Variants in SH2D4A observed in about 807,000 individuals in gnomAD.
SH2D4A encodes SH2 domain-containing protein 4A.
A neutral mutation model predicts 64.7 loss-of-function variants in SH2D4A; 70 were observed. The observed-to-expected ratio is 1.08, with a 90% CI of 0.89 to 1.32. The LOEUF (loss-of-function observed/expected upper bound fraction) is 1.32, where lower values mean the gene tolerates loss of function less well. Among genes scored for constraint, SH2D4A ranks in the 40% most tolerant of loss-of-function variants. The pLI, the probability that SH2D4A is intolerant of heterozygous loss-of-function variation, is 0.00. For missense variants in SH2D4A, 706 were observed against 540.1 expected (o/e 1.31, Z -3.04); for synonymous variants, 268 against 200.7 (o/e 1.34, Z -2.83).
chr8:19,363,723 C>G, intron 6 of SH2D4A: 1 of 332,088 alleles, frequency 3.0e-6, no homozygotes, highest in East Asian at 7.1e-5. Flanking sequence ...TACTCAGCAC[C>G]CCTGCCAGCT....
In SH2D4A at chr8:19,315,075, TAAA is replaced by T. The variant is rs34808842; in HGVS notation, c.-205+1258_-205+1260del. Reference sequence around the variant, plus strand: ...TGCAAAAGTAATTGCGGTTTTTACGTAAAAAAAACCGCAGTTACTTTTTTTTTG... The same window carrying T: ...TGCAAAAGTAATTGCGGTTTTTACGTAAAAACCGCAGTTACTTTTTTTTTG... On this transcript the variant is annotated intron_variant, in intron 1 of 9. Coordinates refer to ENST00000265807, the MANE Select transcript of SH2D4A (RefSeq NM_022071.4). 2.0e-5 allele frequency among the ~76,000 whole-genome samples: 3 copies of T among 151,862 alleles called. No homozygotes were observed. In the East Asian group the frequency reaches 5.8e-4, roughly 29 times the overall value.
At chr8:19,368,620 C>CTTTTTTTTTTTTTTTTTTTT (rs34764005) in intron 7 of SH2D4A, among the ~76,000 whole-genome samples, 2 of 136,322 alleles carry the variant, frequency 1.5e-5, no homozygotes, top group Non-Finnish European at 3.1e-5. Flanking sequence ...AATAAAATTG[C>CTTTTTTTTTTTTTTTTTTTT]TTTTTTTTTT....
chr8:19,315,478 G>T (rs1268238780), intron 1 of SH2D4A, among the ~76,000 whole-genome samples: 3 of 152,154 alleles, frequency 2.0e-5, no homozygotes, highest in African/African-American at 7.2e-5. Flanking sequence ...TTTTAAAATT[G>T]TATTTTGTTT....
At chr8:19,343,915 A>G (rs2052569943) in intron 4 of SH2D4A, among the ~76,000 whole-genome samples, 1 of 152,152 alleles carries the variant, frequency 6.6e-6, no homozygotes, top group Non-Finnish European at 1.5e-5. Flanking sequence ...GTGACAGAGA[A>G]AGGCAGAGAG....
At position 19,319,461 on chromosome 8, in the gene SH2D4A, C is replaced by T; in HGVS notation, c.-87C>T. The T allele has an allele frequency of 1.5e-6, 2 of 1,358,440 alleles. No individual in the cohort carries two copies. The highest frequency in any genetic ancestry group is 1.9e-6 in the Non-Finnish European group (2 of 1,050,414). 84.1% of individuals were successfully genotyped at this position (1,358,440 alleles called of 1,614,324 possible). On this transcript the variant is annotated 5_prime_UTR_variant, in exon 2 of 10. Coordinates refer to ENST00000265807, the MANE Select transcript of SH2D4A (RefSeq NM_022071.4). ...CTGTTTGGGAAGTTTCGTGGAAACG[C>T]CCAAGTGCCAGCACAGGTGGAGGGA...
intron 5 of SH2D4A, 88 bp downstream of exon 5, chr8:19,357,371 G>T (rs2153647658): frequency 2.1e-6 from 2 of 969,092 alleles, no homozygotes; most frequent in South Asian, 1.4e-5. Flanking sequence ...ATCTCATGCA[G>T]AAATGAAATT....
At chr8:19,317,921 A>T (rs1400476278) in intron 1 of SH2D4A, among the ~76,000 whole-genome samples, 4 of 151,378 alleles carry the variant, frequency 2.6e-5, no homozygotes, top group Non-Finnish European at 4.4e-5. Context: ...TTTATTTTTG[A>T]GACAGAGTCT....
At chr8:19,320,474 A>G (rs1350577471) in intron 2 of SH2D4A, among the ~76,000 whole-genome samples, 2 of 152,012 alleles carry the variant, frequency 1.3e-5, no homozygotes, top group Non-Finnish European at 2.9e-5. Flanking sequence ...AAAATAAAAA[A>G]TTAGCTGGGC....
chr8:19,391,912 G>A (rs1223766951), intron 8 of SH2D4A, among the ~76,000 whole-genome samples: 1 of 152,124 alleles, frequency 6.6e-6, no homozygotes, highest in Non-Finnish European at 1.5e-5. Context: ...TATCAACAGG[G>A]AGCCAACAAG....
intron 2 of SH2D4A, among the ~76,000 whole-genome samples, chr8:19,319,995 G>C (rs2052161057): frequency 6.6e-6 from 1 of 152,172 alleles, no homozygotes; most frequent in Non-Finnish European, 1.5e-5. Context: ...AGTCACCTAT[G>C]AGGTTTGATT....
rs139907950 is a variant in SH2D4A, at chr8:19,362,567, C to G, written c.706+1253C>G. 6.4e-3 allele frequency among the ~76,000 whole-genome samples: 977 copies of G among 152,114 alleles called. 6 individuals carry two copies. The highest frequency in any genetic ancestry group is 0.01 in the Non-Finnish European group (703 of 68,000). On this transcript the variant is annotated intron_variant, in intron 6 of 9. Transcript: ENST00000265807. The stretch of plus-strand genomic sequence containing the variant: ...CCAGCCTGGCCAACATGGTGAAACT[C>G]CATCTCTACTAAAAATACAAAAATT...
At chr8:19,353,684 T>TG (rs201211649) in intron 4 of SH2D4A, among the ~76,000 whole-genome samples, 5,260 of 147,984 alleles carry the variant, frequency 0.036, 147 homozygotes, top group Non-Finnish European at 0.055. Context: ...GTTTTTTTTT[T>TG]TTTTTTTTTT....
In SH2D4A at chr8:19,343,604, T is replaced by C. The variant is rs535539188; in HGVS notation, c.513+8747T>C. On this transcript the variant is annotated intron_variant, in intron 4 of 9. Transcript: ENST00000265807. ...AAGGGGTTATTTTAATTAAGAGCAC[T>C]AGACATTGTCCTTCCCCTGTGTGAC... 2.0e-5 allele frequency among the ~76,000 whole-genome samples: 3 copies of C among 152,344 alleles called. No individual in the cohort carries two copies. In the South Asian group the frequency reaches 6.2e-4, roughly 32 times the overall value.
At chr8:19,359,821 CA>C (rs761186315) in intron 5 of SH2D4A, among the ~76,000 whole-genome samples, 2 of 151,220 alleles carry the variant, frequency 1.3e-5, no homozygotes, top group African/African-American at 2.5e-5. Flanking sequence ...ACAAGTTTCA[CA>C]ATATTAATGT....
chr8:19,316,243 G>A (rs1021944881), intron 1 of SH2D4A, among the ~76,000 whole-genome samples: 2 of 152,220 alleles, frequency 1.3e-5, no homozygotes, highest in Non-Finnish European at 2.9e-5. Flanking sequence ...GGAAGCCAGT[G>A]TCTTTCCTTC....
chr8:19,383,737 A>C (rs574354493), intron 8 of SH2D4A, among the ~76,000 whole-genome samples: 22 of 152,216 alleles, frequency 1.4e-4, no homozygotes, highest in Admixed American at 1.3e-3. Flanking sequence ...GTATCTTTAC[A>C]TGGCCATGAA....
At chr8:19,376,896 G>A (rs1427724357) in intron 8 of SH2D4A, among the ~76,000 whole-genome samples, 1 of 151,890 alleles carries the variant, frequency 6.6e-6, no homozygotes, top group South Asian at 2.1e-4. Context: ...AAAACCACAG[G>A]CATGAAAGAT....
intron 1 of SH2D4A, chr8:19,314,097 G>C (rs1352925339): frequency 1.7e-6 from 2 of 1,178,000 alleles, no homozygotes; most frequent in African/African-American, 3.2e-5. Context: ...GCGGTCCCCG[G>C]GGCCTGGGGG....
intron 4 of SH2D4A, among the ~76,000 whole-genome samples, chr8:19,348,512 T>C (rs761840244): frequency 7.2e-5 from 11 of 152,220 alleles, no homozygotes; most frequent in Non-Finnish European, 1.5e-4. Flanking sequence ...TTCTATACCT[T>C]TCTTTCAAAC....
Sources: gnomAD v4.1 joint callset for allele counts (sites outside exome capture counted in the v4.1 genomes callset) on GRCh38, gnomAD v4.1.1 for gene constraint, MANE v1.5 for transcripts, NCBI Gene and HGNC (gene_info 2026-07-23, HGNC 2026-07-21) for gene names.